The following OSBPL9 variants were observed in gnomAD, a reference collection of about 807,000 sequenced individuals.
The protein encoded by OSBPL9 is oxysterol-binding protein-related protein 9.
A neutral mutation model predicts 106.6 loss-of-function variants in OSBPL9; 40 were observed. The observed-to-expected ratio is 0.38, with a 90% confidence interval of 0.29 to 0.49. The LOEUF (loss-of-function observed/expected upper bound fraction) is 0.49, where lower values mean the gene tolerates loss of function less well. Among genes scored for constraint, OSBPL9 ranks in the 20% least tolerant of loss-of-function variants. The pLI, the probability that OSBPL9 is intolerant of heterozygous loss-of-function variation, is 0.97. For missense variants in OSBPL9, 609 were observed against 887.2 expected (o/e 0.69, Z 3.98); for synonymous variants, 269 against 295.4 (o/e 0.91, Z 0.92).
At chr1:51,656,178 C>T (rs759761219) in intron 2 of OSBPL9, among the ~76,000 whole-genome samples, 3 of 152,194 alleles carry the variant, frequency 2.0e-5, no homozygotes, top group Non-Finnish European at 4.4e-5. Context: ...CTGACTCTGA[C>T]ATTGGGCACA....
chr1:51,559,440 T>TATAC, the OSBPL9 span, among the ~76,000 whole-genome samples: 2 of 147,536 alleles, frequency 1.4e-5, no homozygotes, highest in Non-Finnish European at 3.0e-5. Context: ...CACACATACA[T>TATAC]ACACACACAC....
intron 3 of OSBPL9, among the ~76,000 whole-genome samples, chr1:51,710,473 C>T (rs1036394173): frequency 6.6e-6 from 1 of 152,166 alleles, no homozygotes; most frequent in Non-Finnish European, 1.5e-5. Context: ...ATTTCTGTTG[C>T]TCTTCATTCT....
intron 9 of OSBPL9, 157 bp from the exon 10 acceptor site, chr1:51,760,533 C>G: frequency 9.8e-7 from 1 of 1,021,948 alleles, no homozygotes. Flanking sequence ...TCTTACACTT[C>G]TGTATAGAAA....
intron 3 of OSBPL9, among the ~76,000 whole-genome samples, chr1:51,684,791 C>A (rs550300345): frequency 3.5e-4 from 53 of 152,326 alleles, no homozygotes; most frequent in African/African-American, 1.3e-3. Flanking sequence ...ACCTCGGCCT[C>A]CCAAAGTGTT....
upstream of OSBPL9, among the ~76,000 whole-genome samples, chr1:51,613,006 T>C (rs1449745582): frequency 2.6e-5 from 4 of 152,156 alleles, no homozygotes; most frequent in Non-Finnish European, 4.4e-5. Flanking sequence ...TGAAGGATTG[T>C]TGAGGGGAAT....
At position 51,586,694 on chromosome 1, in the gene OSBPL9, C is replaced by T. The variant is rs140384591; in HGVS notation, c.-423+9438C>T. Among the ~76,000 whole-genome samples the T allele has an allele frequency of 9.3e-3, 1,412 of 152,234 alleles. 12 individuals carry two copies. Among genetic ancestry groups the T allele is most frequent in the Non-Finnish European group, 0.015 (1,021 of 68,014 alleles). ...AATCCTACCAGCCAGGCCCCAGGTGCGGGTCACAATGGAAGCAGCAGAGGC... is the reference window on the plus strand; with the variant it reads ...AATCCTACCAGCCAGGCCCCAGGTGTGGGTCACAATGGAAGCAGCAGAGGC... On this transcript the variant is annotated intron_variant, in intron 1 of 25. Transcript: ENST00000371714.
At chr1:51,606,678 T>C (rs549122308) in intron 2 of OSBPL9, among the ~76,000 whole-genome samples, 5 of 152,374 alleles carry the variant, frequency 3.3e-5, no homozygotes, top group Admixed American at 3.3e-4. Context: ...GGTGGTACTT[T>C]TTTAAAATAT....
intron 2 of OSBPL9, among the ~76,000 whole-genome samples, chr1:51,665,782 T>G (rs941487522): frequency 6.6e-6 from 1 of 152,172 alleles, no homozygotes; most frequent in Non-Finnish European, 1.5e-5. Flanking sequence ...AATGTTTTTT[T>G]CCATATAGAC....
the OSBPL9 span, among the ~76,000 whole-genome samples, chr1:51,562,565 C>T: frequency 6.6e-6 from 1 of 152,158 alleles, no homozygotes; most frequent in South Asian, 2.1e-4. Context: ...CATAAGGATT[C>T]AGAGAAGGAT....
At chr1:51,590,405 G>A (rs1341519304) in intron 1 of OSBPL9, among the ~76,000 whole-genome samples, 1 of 151,874 alleles carries the variant, frequency 6.6e-6, no homozygotes, top group Non-Finnish European at 1.5e-5. Flanking sequence ...TGGATCACGA[G>A]GTCAGGAGAT....
At chr1:51,526,551 C>G in the OSBPL9 span, among the ~76,000 whole-genome samples, 1 of 152,052 alleles carries the variant, frequency 6.6e-6, no homozygotes, top group African/African-American at 2.4e-5. Flanking sequence ...TGTCACTTAG[C>G]AGGTGGTGGT....
At chr1:51,594,280 G>A (rs760485479) in intron 1 of OSBPL9, among the ~76,000 whole-genome samples, 48 of 151,930 alleles carry the variant, frequency 3.2e-4, no homozygotes, top group East Asian at 7.7e-4. Flanking sequence ...GCGTGGTGGC[G>A]GGCACCAGCT....
At chr1:51,550,315 C>T in the OSBPL9 span, among the ~76,000 whole-genome samples, 1 of 152,112 alleles carries the variant, frequency 6.6e-6, no homozygotes, top group Non-Finnish European at 1.5e-5. Context: ...AACTTGCAAA[C>T]AAGTGACAAT....
At chr1:51,567,851 T>C in the OSBPL9 span, 1 of 152,158 alleles carries the variant, frequency 6.6e-6, no homozygotes, top group East Asian at 1.9e-4. Context: ...GGCCTGGAAA[T>C]TAAACCCCAA....
chr1:51,787,211 C>G, intron 22 of OSBPL9, 142 bp from the exon 23 acceptor site: 1 of 772,516 alleles, frequency 1.3e-6, no homozygotes, highest in Non-Finnish European at 2.2e-6. Context: ...GTTCCTTACT[C>G]CAGTGCCCTG....
chr1:51,750,027 C>G, intron 7 of OSBPL9, 118 bp from the exon 8 acceptor site: 1 of 551,352 alleles, frequency 1.8e-6, no homozygotes, highest in Non-Finnish European at 3.0e-6. Context: ...GAGGATATTT[C>G]TTGTGTAGTA....
chr1:51,646,828 C>G (rs755094242), intron 1 of OSBPL9, among the ~76,000 whole-genome samples: 2 of 152,170 alleles, frequency 1.3e-5, no homozygotes, highest in Non-Finnish European at 2.9e-5. Flanking sequence ...ATCCATTGCA[C>G]CCAGCCCCCT....
chr1:51,587,313 T>C (rs770704840), intron 1 of OSBPL9, among the ~76,000 whole-genome samples: 1 of 152,092 alleles, frequency 6.6e-6, no homozygotes, highest in Non-Finnish European at 1.5e-5. Context: ...TGCAGTGAGC[T>C]GAGATCGTGC....
intron 1 of OSBPL9, among the ~76,000 whole-genome samples, chr1:51,630,626 C>T (rs569099678): frequency 1.3e-5 from 2 of 152,082 alleles, no homozygotes; most frequent in South Asian, 2.1e-4. Context: ...ATGTGAAGGC[C>T]GGGGACATTA....
Sources: allele counts gnomAD v4.1 joint callset (sites outside exome capture counted in the v4.1 genomes callset), GRCh38; gene constraint gnomAD v4.1.1; transcripts MANE v1.5; gene names NCBI Gene and HGNC (gene_info 2026-07-23, HGNC 2026-07-21).